Variants in ATF6 observed in about 807,000 individuals in gnomAD.
ATF6 encodes cyclic AMP-dependent transcription factor ATF-6 alpha.
A neutral mutation model predicts 83.6 loss-of-function variants in ATF6; 53 were observed. That is an observed-to-expected ratio of 0.63 (90% CI 0.51 to 0.80). The LOEUF (loss-of-function observed/expected upper bound fraction) is 0.80. Among genes scored for constraint, ATF6 ranks in the 30% least tolerant of loss-of-function variants. The probability of loss-of-function intolerance (pLI) is 0.00; values close to 1 mark genes in which losing one functional copy is unlikely to be tolerated. For synonymous variants in ATF6, 288 were observed against 285.8 expected (o/e 1.01, Z -0.08); for missense variants, 744 against 797.9 (o/e 0.93, Z 0.81).
At chr1:161,925,176 G>T (rs566543579) in intron 15 of ATF6, among the ~76,000 whole-genome samples, 2 of 152,162 alleles carry the variant, frequency 1.3e-5, no homozygotes, top group Admixed American at 1.3e-4. Flanking sequence ...ATGGTGCCTC[G>T]ATTCTGGTCA....
At chr1:161,913,159 C>A (rs1440903557) in intron 15 of ATF6, among the ~76,000 whole-genome samples, 1 of 152,046 alleles carries the variant, frequency 6.6e-6, no homozygotes, top group Non-Finnish European at 1.5e-5. Context: ...TATTGAAAAT[C>A]GGAGAGTTGG....
At chr1:161,909,386 C>T (rs187373091) in intron 14 of ATF6, among the ~76,000 whole-genome samples, 38 of 152,248 alleles carry the variant, frequency 2.5e-4, no homozygotes, top group Admixed American at 1.9e-3. Context: ...TTGACCAGAC[C>T]GTGTAGCCTT....
At chr1:161,798,746 A>G (rs1685076249) in intron 6 of ATF6, among the ~76,000 whole-genome samples, 1 of 152,210 alleles carries the variant, frequency 6.6e-6, no homozygotes, top group Non-Finnish European at 1.5e-5. Flanking sequence ...TCTACAAGAA[A>G]CTTAACAAGC....
At chr1:161,933,773 T>C (rs1688480758) in intron 15 of ATF6, among the ~76,000 whole-genome samples, 3 of 152,236 alleles carry the variant, frequency 2.0e-5, no homozygotes, top group Admixed American at 2.0e-4. Flanking sequence ...TCCAGTTTCA[T>C]TTCCTATTGC....
chr1:161,792,157 T>C lies in ATF6; in HGVS notation c.518T>C (p.Val173Ala), dbSNP rs778736429. 6 of 1,613,994 alleles carry C rather than the reference T, an allele frequency of 3.7e-6. No homozygotes were observed. The highest frequency in any genetic ancestry group is 5.1e-6 in the Non-Finnish European group (6 of 1,179,998). The change falls in exon 6 of 16, where the codon GTG (valine) becomes GCG (alanine). Residue 173 changes from valine to alanine, a missense_variant. Val to Ala is a moderately conservative substitution (Grantham distance 64). Transcript: ENST00000367942. ...NGLTPKKKIQVNSKPSIQPKP... is the reference protein window; with the variant it reads ...NGLTPKKKIQANSKPSIQPKP... ...CTGACTCCAAAGAAAAAAATTCAGG[T>C]GAATTCAAAACCTTCAATTCAGCCC... is the stretch of plus-strand genomic sequence containing the variant.
chr1:161,855,433 A>T (rs1686736018), intron 12 of ATF6, among the ~76,000 whole-genome samples: 1 of 152,222 alleles, frequency 6.6e-6, no homozygotes, highest in Non-Finnish European at 1.5e-5. Flanking sequence ...GGTGGAAGTC[A>T]AGAATTTTAA....
chr1:161,930,348 A>G (rs1688407034), intron 15 of ATF6, among the ~76,000 whole-genome samples: 2 of 152,218 alleles, frequency 1.3e-5, no homozygotes, highest in South Asian at 4.1e-4. Flanking sequence ...TGTCATCATT[A>G]TTTTTGGCTT....
At position 161,912,861 on chromosome 1, in the gene ATF6, A is replaced by G. The variant is rs368561832; in HGVS notation, c.1804+481A>G. 1.4e-4 allele frequency among the ~76,000 whole-genome samples: 21 copies of G among 152,282 alleles called. No individual in the cohort carries two copies. The South Asian group carries it at 4.1e-3, about 30-fold the overall frequency. On this transcript the variant is annotated intron_variant, in intron 15 of 15. Transcript: ENST00000367942. ...TACTATTGCATTTTGTTATATTACT[A>G]GCCCTGGACATTAAACAAAATACAA...
At chr1:161,918,945 G>A (rs958889830) in intron 15 of ATF6, among the ~76,000 whole-genome samples, 4 of 152,106 alleles carry the variant, frequency 2.6e-5, no homozygotes, top group Non-Finnish European at 5.9e-5. Flanking sequence ...TCAATGTCTG[G>A]TCTTAAACTG....
Position 161,958,864 on chromosome 1 carries a change from C to A in ATF6, c.*210C>A. The stretch of plus-strand genomic sequence containing the variant: ...GCACTGGAATTCAGATGCAAGAGAA[C>A]AATGTTTCTTCAGTGGCAAATGTAG... On this transcript the variant is annotated 3_prime_UTR_variant, in exon 16 of 16. Coordinates refer to ENST00000367942, the MANE Select transcript of ATF6 (RefSeq NM_007348.4). 1 of 479,280 alleles carries A rather than the reference C, an allele frequency of 2.1e-6. No homozygotes were observed. The allele number at this position is 479,280 out of a possible 1,614,324, so 29.7% of individuals were successfully genotyped here.
At chr1:161,905,866 C>T (rs751405574) in intron 14 of ATF6, among the ~76,000 whole-genome samples, 15 of 152,024 alleles carry the variant, frequency 9.9e-5, no homozygotes, top group Non-Finnish European at 1.3e-4. Flanking sequence ...GAGTTTCGCC[C>T]TGTCGCCCAG....
At chr1:161,792,044 A>T (rs1684890701) in intron 5 of ATF6, 80 bp from the exon 6 acceptor site, 2 of 1,137,866 alleles carry the variant, frequency 1.8e-6, no homozygotes, top group South Asian at 1.3e-5. Flanking sequence ...GTGTAGAGAA[A>T]GGTGTGTGAT....
At chr1:161,772,739 C>G (rs908643077) in intron 1 of ATF6, among the ~76,000 whole-genome samples, 2 of 150,270 alleles carry the variant, frequency 1.3e-5, no homozygotes, top group Non-Finnish European at 2.9e-5. Context: ...GTTTCTATAT[C>G]TAGATAGTAC....
At chr1:161,822,856 A>G (rs2101788047) in intron 9 of ATF6, among the ~76,000 whole-genome samples, 1 of 152,314 alleles carries the variant, frequency 6.6e-6, no homozygotes, top group South Asian at 2.1e-4. Context: ...CAGGAAGAAC[A>G]TTTCATATAG....
rs1230590640 is a variant in ATF6 at position 161,963,392 on chromosome 1, G to A, written c.*4738G>A. ...GGCCAGCCACTGTCACATAGTGGGT[G>A]CCATTCTCAACATATTGGTTTGCTA... On this transcript the variant is annotated 3_prime_UTR_variant, in exon 16 of 16. Transcript: ENST00000367942. 6.6e-6 allele frequency: 1 copy of A among 152,206 alleles called. No homozygotes were observed. The highest frequency in any genetic ancestry group is 1.5e-5 in the Non-Finnish European group (1 of 68,038). 9.4% of individuals were successfully genotyped at this position (152,206 alleles called of 1,614,324 possible).
At chr1:161,946,996 T>G (rs552693367) in intron 15 of ATF6, among the ~76,000 whole-genome samples, 1 of 152,322 alleles carries the variant, frequency 6.6e-6, no homozygotes, top group East Asian at 1.9e-4. Context: ...GCACCAGAAT[T>G]CACTCGGTAT....
chr1:161,895,405 CA>C (rs1282770212), intron 14 of ATF6, among the ~76,000 whole-genome samples: 2 of 152,190 alleles, frequency 1.3e-5, no homozygotes, highest in Non-Finnish European at 2.9e-5. Flanking sequence ...GTTTTTACAT[CA>C]TTGCAATATA....
rs1689094733 is a variant in ATF6, at chr1:161,961,312, C to T, written c.*2658C>T. 1 of 152,244 alleles carries T rather than the reference C, an allele frequency of 6.6e-6. No homozygotes were observed. The highest frequency in any genetic ancestry group is 1.5e-5 in the Non-Finnish European group (1 of 68,088). The allele number at this position is 152,244 out of a possible 1,614,324, so 9.4% of individuals were successfully genotyped here. ...CGCCTAGAGCAGCCTGGGAGCTTTG[C>T]CTTCTTTTGTCTCTCACTAGCCCTT... is the stretch of plus-strand genomic sequence containing the variant. On this transcript the variant is annotated 3_prime_UTR_variant, in exon 16 of 16. Transcript: ENST00000367942.
intron 15 of ATF6, among the ~76,000 whole-genome samples, chr1:161,948,587 T>G (rs1437769729): frequency 2.0e-5 from 3 of 152,238 alleles, no homozygotes; most frequent in Non-Finnish European, 4.4e-5. Context: ...TTTTAAAAAT[T>G]TTTAAAAAGT....
Sources: allele counts gnomAD v4.1 joint callset (sites outside exome capture counted in the v4.1 genomes callset), GRCh38; gene constraint gnomAD v4.1.1; transcripts MANE v1.5; gene names NCBI Gene and HGNC (gene_info 2026-07-23, HGNC 2026-07-21).